TBC1D23: variants seen among roughly 807,000 people sequenced by gnomAD.
TBC1D23 encodes TBC1 domain family member 23.
In TBC1D23, 55 loss-of-function variants were observed where a neutral mutation model predicts 91.4. The observed-to-expected ratio is 0.60, with a 90% CI of 0.48 to 0.75. The LOEUF (loss-of-function observed/expected upper bound fraction) is 0.75. Among genes scored for constraint, TBC1D23 ranks in the 30% least tolerant of loss-of-function variants. The pLI, the probability that TBC1D23 is intolerant of heterozygous loss-of-function variation, is 0.00. For synonymous variants in TBC1D23, 289 were observed against 281.0 expected, an observed-to-expected ratio of 1.03 and a Z score of -0.28; for missense variants, 725 against 836.1, an observed-to-expected ratio of 0.87 and a Z score of 1.64.
rs779727752 is a variant in TBC1D23, at chr3:100,283,701, T to C, written c.366T>C (p.Tyr122=). ...TFYCKSRNIK[Y]STSLSWIHLL... Reference sequence around the variant, plus strand: ...ATTGTAAATCACGTAACATTAAATATAGCACATCCCTTAGCTGGATACATC... The same window carrying C: ...ATTGTAAATCACGTAACATTAAATACAGCACATCCCTTAGCTGGATACATC... The change falls in exon 4 of 19, where the codon TAT becomes TAC. Residue 122 remains tyrosine, a synonymous_variant. Transcript: ENST00000394144. 3.1e-6 allele frequency: 5 copies of C among 1,612,502 alleles called. No individual in the cohort carries two copies. The highest frequency in any genetic ancestry group is 3.4e-6 in the Non-Finnish European group (4 of 1,178,528).
chr3:100,302,009 T>C (rs1705442341), intron 10 of TBC1D23, 58 bp from the exon 11 acceptor site: 14 of 1,412,700 alleles, frequency 9.9e-6, no homozygotes. Context: ...ATTTCAAATT[T>C]ACAAATATAT....
chr3:100,280,417 C>G (rs1229102252), intron 2 of TBC1D23, among the ~76,000 whole-genome samples: 2 of 152,042 alleles, frequency 1.3e-5, no homozygotes, highest in African/African-American at 4.8e-5. Context: ...TTCAGCTATT[C>G]TACAGTTCAT....
At chr3:100,295,851 G>A (rs547740159) in intron 7 of TBC1D23, among the ~76,000 whole-genome samples, 1 of 152,188 alleles carries the variant, frequency 6.6e-6, no homozygotes, top group Admixed American at 6.5e-5. Context: ...AGTTCTTTAA[G>A]TCAGTAACTA....
intron 8 of TBC1D23, among the ~76,000 whole-genome samples, 158 bp from the exon 9 acceptor site, chr3:100,297,765 T>C (rs1705330490): frequency 6.6e-6 from 1 of 152,144 alleles, no homozygotes; most frequent in Non-Finnish European, 1.5e-5. Flanking sequence ...TTTGTAGTTC[T>C]TAGCCTATAA....
chr3:100,261,035 A>G lies in TBC1D23; in HGVS notation c.17A>G (p.Asp6Gly). The G allele has an allele frequency of 6.2e-7, 1 of 1,614,056 alleles. No homozygotes were observed. Among genetic ancestry groups the G allele is most frequent in the Non-Finnish European group, 8.5e-7 (1 of 1,179,958 alleles). MAEGE[D>G]VPPLPTSSGD... ...TCAACAGCAATGGCGGAAGGAGAAG[A>G]TGTGCCGCCGCTGCCAACGTCGAGC... Residue 6 changes from aspartate (D) to glycine (G), a missense_variant, in exon 1 of 19, where the codon GAT becomes GGT. Asp to Gly is a moderately conservative substitution (Grantham distance 94). Coordinates refer to ENST00000394144, the MANE Select transcript of TBC1D23 (RefSeq NM_001199198.3).
At position 100,281,742 on chromosome 3, in the gene TBC1D23, A is replaced by G. The variant is rs774462397; in HGVS notation, c.166A>G (p.Ile56Val). ...GTCACTTTTTAAATCTTTCTTCCAGATTGCTCTGAATGTTGCAGGAAAAGG... is the reference window on the plus strand; with the variant it reads ...GTCACTTTTTAAATCTTTCTTCCAGGTTGCTCTGAATGTTGCAGGAAAAGG... ...PADLRAKVWK[I>V]ALNVAGKGDS... Residue 56 changes from isoleucine (I) to valine (V), a missense_variant and splice_region_variant, in exon 3 of 19, where the codon ATT becomes GTT. Ile to Val is a conservative substitution (Grantham distance 29). Coordinates refer to ENST00000394144, the MANE Select transcript of TBC1D23 (RefSeq NM_001199198.3). 1.2e-6 allele frequency: 2 copies of G among 1,604,208 alleles called. No homozygotes were observed. Among genetic ancestry groups the G allele is most frequent in the Admixed American group, 3.3e-5 (2 of 59,780 alleles).
intron 5 of TBC1D23, among the ~76,000 whole-genome samples, chr3:100,293,841 C>T (rs989709553): frequency 1.3e-5 from 2 of 152,126 alleles, no homozygotes; most frequent in African/African-American, 4.8e-5. Flanking sequence ...TCTACTTTCT[C>T]ACCTGTAAAA....
intron 9 of TBC1D23, among the ~76,000 whole-genome samples, chr3:100,299,036 GAA>G (rs1705366562): frequency 6.6e-6 from 1 of 152,086 alleles, no homozygotes; most frequent in South Asian, 2.1e-4. Flanking sequence ...ATCTAAAAAA[GAA>G]AAATGTTTTA....
chr3:100,272,388 T>A (rs1357688016), intron 1 of TBC1D23, among the ~76,000 whole-genome samples: 1 of 152,180 alleles, frequency 6.6e-6, no homozygotes, highest in African/African-American at 2.4e-5. Flanking sequence ...TCCTTTAGTT[T>A]GCTAGTGATA....
chr3:100,311,997 C>A, intron 15 of TBC1D23, 120 bp downstream of exon 15: 1 of 664,044 alleles, frequency 1.5e-6, no homozygotes, highest in Admixed American at 2.7e-5. Flanking sequence ...AAATGCTAAA[C>A]TTTCCTCATT....
intron 11 of TBC1D23, 134 bp downstream of exon 11, chr3:100,302,371 G>C (rs945740884): frequency 1.6e-6 from 1 of 617,780 alleles, no homozygotes; most frequent in African/African-American, 1.9e-5. Context: ...GTCTTCTCCA[G>C]ATTTTTCTCA....
intron 1 of TBC1D23, among the ~76,000 whole-genome samples, chr3:100,278,326 G>A (rs1164624192): frequency 6.6e-6 from 1 of 151,826 alleles, no homozygotes; most frequent in African/African-American, 2.4e-5. Flanking sequence ...TTTAATGTAT[G>A]CTGAAATCAT....
chr3:100,313,355 A>G (rs1266811591), intron 15 of TBC1D23, among the ~76,000 whole-genome samples: 2 of 152,180 alleles, frequency 1.3e-5, no homozygotes, highest in Admixed American at 1.3e-4. Context: ...AGAATGAATT[A>G]GGTTTCTTTC....
intron 1 of TBC1D23, among the ~76,000 whole-genome samples, chr3:100,266,863 C>T (rs2067562276): frequency 6.6e-6 from 1 of 152,162 alleles, no homozygotes; most frequent in Non-Finnish European, 1.5e-5. Context: ...TTCTGATGCA[C>T]AGTGCTGAAA....
intron 14 of TBC1D23, 100 bp from the exon 15 acceptor site, chr3:100,311,733 C>T: frequency 1.3e-6 from 1 of 783,820 alleles, no homozygotes. Context: ...AATGTACACT[C>T]TGGGTGAGAA....
intron 15 of TBC1D23, 127 bp downstream of exon 15, chr3:100,312,004 C>CA (rs1283999061): frequency 2.8e-5 from 18 of 641,852 alleles, no homozygotes; most frequent in Admixed American, 1.7e-4. Context: ...AAACTTTCCT[C>CA]ATTCTGCTTT....
intron 5 of TBC1D23, among the ~76,000 whole-genome samples, chr3:100,293,443 T>C (rs148252080): frequency 1.2e-4 from 18 of 152,310 alleles, no homozygotes; most frequent in Admixed American, 4.6e-4. Flanking sequence ...TCAGATAGTT[T>C]ACTCTTGCTA....
intron 10 of TBC1D23, among the ~76,000 whole-genome samples, chr3:100,299,587 G>A (rs1271322029): frequency 6.6e-6 from 1 of 152,160 alleles, no homozygotes; most frequent in Non-Finnish European, 1.5e-5. Context: ...TCGGCTCACT[G>A]CAACCTCTGC....
intron 9 of TBC1D23, 70 bp from the exon 10 acceptor site, chr3:100,299,169 G>T: frequency 1.0e-6 from 1 of 987,332 alleles, no homozygotes; most frequent in South Asian, 1.5e-5. Context: ...TTGGTTAACT[G>T]TGAATATTAT....
Sources: allele counts gnomAD v4.1 joint callset (sites outside exome capture counted in the v4.1 genomes callset), GRCh38; gene constraint gnomAD v4.1.1; transcripts MANE v1.5; gene names NCBI Gene and HGNC (gene_info 2026-07-23, HGNC 2026-07-21).